Variants in CNTNAP5 observed in about 807,000 individuals in gnomAD.
CNTNAP5 encodes the protein contactin-associated protein-like 5.
Under a neutral mutation model 150.2 loss-of-function variants are expected in CNTNAP5, and 72 were observed. The observed-to-expected ratio is 0.48, with a 90% CI of 0.40 to 0.58. The LOEUF (loss-of-function observed/expected upper bound fraction) is 0.58, where lower values mean the gene tolerates loss of function less well. Among genes scored for constraint, CNTNAP5 ranks in the 20% least tolerant of loss-of-function variants. CNTNAP5 has a pLI of 0.00. For missense variants in CNTNAP5, 1,636 were observed against 1,626.2 expected, an observed-to-expected ratio of 1.01 and a Z score of -0.10; for synonymous variants, 672 against 619.8, an observed-to-expected ratio of 1.08 and a Z score of -1.25.
At chr2:124,140,259 G>T (rs540235878) in intron 1 of CNTNAP5, among the ~76,000 whole-genome samples, 1,757 of 150,924 alleles carry the variant, frequency 0.012, 34 homozygotes, top group African/African-American at 0.041. Context: ...CAAAGCAGCC[G>T]GGAAGCTCCA....
intron 19 of CNTNAP5, among the ~76,000 whole-genome samples, chr2:124,840,399 C>T (rs115096347): frequency 1.2e-4 from 19 of 152,220 alleles, no homozygotes; most frequent in African/African-American, 4.6e-4. Context: ...CATACTGCCT[C>T]AGAGCCTGGA....
At chr2:124,533,619 G>T (rs1573441887) in intron 10 of CNTNAP5, among the ~76,000 whole-genome samples, 1 of 152,162 alleles carries the variant, frequency 6.6e-6, no homozygotes, top group African/African-American at 2.4e-5. Flanking sequence ...CTCCCTCAAA[G>T]TCCCAAAGTC....
chr2:124,402,182 G>C (rs906637404), intron 3 of CNTNAP5, among the ~76,000 whole-genome samples: 2 of 152,124 alleles, frequency 1.3e-5, no homozygotes, highest in Non-Finnish European at 2.9e-5. Context: ...CAAGCTTCAG[G>C]AGAATGAATG....
chr2:124,697,336 A>T (rs192456555), intron 13 of CNTNAP5, among the ~76,000 whole-genome samples: 62 of 152,218 alleles, frequency 4.1e-4, no homozygotes, highest in East Asian at 1.7e-3. Context: ...TCCATCCAGG[A>T]TGCCATGTTA....
Position 124,758,383 on chromosome 2 carries a change from C to T in CNTNAP5, c.2235-5289C>T, listed in dbSNP as rs147800716. Reference sequence around the variant, plus strand: ...CTTAGTTTAAGGTGCCTGATGACATCCAAGGGAAGGATTTAGTAGACAGTC... The same window carrying T: ...CTTAGTTTAAGGTGCCTGATGACATTCAAGGGAAGGATTTAGTAGACAGTC... On this transcript the variant is annotated intron_variant, in intron 14 of 23. Coordinates refer to ENST00000682447, the MANE Select transcript of CNTNAP5 (RefSeq NM_001367498.1). Among the ~76,000 whole-genome samples the T allele has an allele frequency of 3.6e-3, 540 of 151,766 alleles. 2 individuals are homozygous for T. Among genetic ancestry groups the T allele is most frequent in the Non-Finnish European group, 5.4e-3 (367 of 67,904 alleles).
intron 13 of CNTNAP5, among the ~76,000 whole-genome samples, chr2:124,692,852 G>A (rs930055732): frequency 3.9e-5 from 6 of 152,044 alleles, no homozygotes; most frequent in East Asian, 1.9e-4. Context: ...GAGAATGAGC[G>A]CCAATGGTCT....
rs71394026 is a variant in CNTNAP5, at chr2:124,176,842, GTTTTTT to G, written c.83-44848_83-44843del. Among the ~76,000 whole-genome samples the G allele has an allele frequency of 1.3e-4, 16 of 119,890 alleles. No individual in the cohort carries two copies. In the East Asian group the frequency reaches 3.4e-3, roughly 25 times the overall value. 78.7% of individuals were successfully genotyped at this position (119,890 alleles called of 152,430 possible). A position where few individuals can be genotyped will look rare whatever the true frequency, so the allele number is the denominator to read the frequency against. ...TCAGATAATGTCTTTGTTATTGCTG[GTTTTTT>G]TTTTTTTTTTTTTTACATGGCGTTT... On this transcript the variant is annotated intron_variant, in intron 1 of 23. Coordinates refer to ENST00000682447, the MANE Select transcript of CNTNAP5 (RefSeq NM_001367498.1).
intron 3 of CNTNAP5, among the ~76,000 whole-genome samples, chr2:124,393,156 G>A (rs1436584805): frequency 3.3e-5 from 5 of 152,118 alleles, no homozygotes; most frequent in Non-Finnish European, 5.9e-5. Context: ...ATTTACCACT[G>A]TAGATTGTAG....
chr2:124,062,376 C>A (rs1682034854), intron 1 of CNTNAP5, among the ~76,000 whole-genome samples: 1 of 152,166 alleles, frequency 6.6e-6, no homozygotes, highest in Non-Finnish European at 1.5e-5. Flanking sequence ...TTAACTCAAT[C>A]CTGTTATTAT....
intron 1 of CNTNAP5, among the ~76,000 whole-genome samples, chr2:124,181,049 A>C (rs1362245893): frequency 6.6e-6 from 1 of 152,046 alleles, no homozygotes; most frequent in Non-Finnish European, 1.5e-5. Flanking sequence ...AAAAAAAAAA[A>C]TTCTAGCCAG....
chr2:124,245,726 T>C (rs886133004), intron 3 of CNTNAP5, among the ~76,000 whole-genome samples: 3 of 150,892 alleles, frequency 2.0e-5, no homozygotes, highest in Non-Finnish European at 4.4e-5. Context: ...TATACACAAA[T>C]ATATACATAT....
intron 3 of CNTNAP5, among the ~76,000 whole-genome samples, chr2:124,335,364 G>A (rs996813708): frequency 1.3e-5 from 2 of 151,938 alleles, no homozygotes; most frequent in Middle Eastern, 3.4e-3. Flanking sequence ...AGTCTTCTCA[G>A]ACTGGCCACT....
At chr2:124,856,075 GGTGTGT>G (rs56676705) in intron 19 of CNTNAP5, among the ~76,000 whole-genome samples, 6,497 of 144,260 alleles carry the variant, frequency 0.045, 397 homozygotes, top group African/African-American at 0.14. Context: ...AATAGTCCAT[GGTGTGT>G]GTGTGTGTGT....
chr2:124,774,895 G>A (rs867195873), intron 17 of CNTNAP5, among the ~76,000 whole-genome samples: 1 of 152,176 alleles, frequency 6.6e-6, no homozygotes, highest in East Asian at 1.9e-4. Context: ...GTGTTTCATG[G>A]CAGATTTCTA....
At chr2:124,271,658 A>ATCT (rs1553453944) in intron 3 of CNTNAP5, among the ~76,000 whole-genome samples, 4 of 141,426 alleles carry the variant, frequency 2.8e-5, no homozygotes, top group Non-Finnish European at 4.6e-5. Flanking sequence ...GTTTTTTTTT[A>ATCT]ATCTATCTAT....
chr2:124,051,232 GAT>G (rs894283404), intron 1 of CNTNAP5, among the ~76,000 whole-genome samples: 33 of 152,076 alleles, frequency 2.2e-4, no homozygotes, highest in African/African-American at 8.0e-4. Context: ...AGTTCTCAGA[GAT>G]AAAAAGAAAA....
At chr2:124,510,305 A>ATCTATATATCTATATATC (rs55913869) in intron 8 of CNTNAP5, among the ~76,000 whole-genome samples, 2 of 96,292 alleles carry the variant, frequency 2.1e-5, no homozygotes, top group African/African-American at 9.1e-5. Flanking sequence ...ATATATCTAT[A>ATCTATATATCTATATATC]TATATATCTA....
intron 3 of CNTNAP5, among the ~76,000 whole-genome samples, chr2:124,253,347 G>A (rs1031098067): frequency 2.0e-5 from 3 of 152,014 alleles, no homozygotes; most frequent in Non-Finnish European, 4.4e-5. Flanking sequence ...AAATATATGT[G>A]TCTATACATA....
chr2:124,716,350 C>T (rs187416066), intron 13 of CNTNAP5, among the ~76,000 whole-genome samples: 1 of 152,152 alleles, frequency 6.6e-6, no homozygotes, highest in East Asian at 1.9e-4. Flanking sequence ...ATATCGTTAT[C>T]CTTATTTTTC....
Sources: gnomAD v4.1 joint callset for allele counts (sites outside exome capture counted in the v4.1 genomes callset) on GRCh38, gnomAD v4.1.1 for gene constraint, MANE v1.5 for transcripts, NCBI Gene and HGNC (gene_info 2026-07-23, HGNC 2026-07-21) for gene names.